PTPN14: variants seen among roughly 807,000 people sequenced by gnomAD.
The protein encoded by PTPN14 is protein tyrosine phosphatase non-receptor type 14, also known as tyrosine-protein phosphatase non-receptor type 14.
A neutral mutation model predicts 126.8 loss-of-function variants in PTPN14; 53 were observed. The ratio of observed to expected loss-of-function variants is 0.42; its 90% CI spans 0.34 to 0.53. The LOEUF is 0.53. Among genes scored for constraint, PTPN14 ranks in the 20% least tolerant of loss-of-function variants. The pLI is 0.08. For missense variants in PTPN14, 1,257 were observed against 1,552.9 expected (o/e 0.81, Z 3.20); for synonymous variants, 630 against 599.3 (o/e 1.05, Z -0.75).
chr1:214,494,589 G>A (rs183367594), intron 1 of PTPN14, among the ~76,000 whole-genome samples: 1 of 152,294 alleles, frequency 6.6e-6, no homozygotes, highest in East Asian at 1.9e-4. Context: ...TTGTTATTGT[G>A]TTGCCTTGTC....
chr1:214,383,520 T>C lies in PTPN14; in HGVS notation c.2335A>G (p.Arg779Gly), dbSNP rs770792704. Reference protein sequence around the residue: ...ASLPPAMARARVLRHGPAKAI... With the variant: ...ASLPPAMARAGVLRHGPAKAI... ...TTGGCTGGCCCATGCCTCAGCACCC[T>C]GGCTCTGGCCATGGCGGGAGGAAGG... The change falls in exon 13 of 19, where the codon AGG (arginine) becomes GGG (glycine). Residue 779 changes from arginine to glycine, a missense_variant. Transcript: ENST00000366956. The surrounding 1 kb of genome is among the most constrained non-coding windows in gnomAD (Gnocchi z 4.4). The C allele has an allele frequency of 6.2e-7, 1 of 1,614,090 alleles. No individual in the cohort carries two copies. Among genetic ancestry groups the C allele is most frequent in the Non-Finnish European group, 8.5e-7 (1 of 1,180,000 alleles).
Position 214,364,383 on chromosome 1 carries a change from G to A in PTPN14, c.3435+129C>T, listed in dbSNP as rs1304742611. The A allele has an allele frequency of 2.1e-5, 25 of 1,215,646 alleles. No homozygotes were observed. Among genetic ancestry groups the A allele is most frequent in the Middle Eastern group, 2.5e-4 (1 of 4,072 alleles). The allele number at this position is 1,215,646 out of a possible 1,614,324, so 75.3% of individuals were successfully genotyped here. A position where few individuals can be genotyped will look rare whatever the true frequency, so the allele number is the denominator to read the frequency against. On this transcript the variant is annotated intron_variant, in intron 18 of 18. Transcript: ENST00000366956. The surrounding 1 kb of genome is among the most constrained non-coding windows in gnomAD (Gnocchi z 4.1). ...GTCAGAGTCAAACTAGGAACCAGGA[G>A]CCTGGAAAACTCTGGTTGGGAGACA...
At chr1:214,417,100 G>A (rs1659443943) in intron 3 of PTPN14, among the ~76,000 whole-genome samples, 1 of 151,732 alleles carries the variant, frequency 6.6e-6, no homozygotes, top group African/African-American at 2.4e-5. Flanking sequence ...GAAAATCCAA[G>A]CTCACAAGGA....
intron 12 of PTPN14, among the ~76,000 whole-genome samples, chr1:214,385,800 CAG>C (rs141474078): frequency 0.013 from 1,969 of 152,274 alleles, 46 homozygotes; most frequent in African/African-American, 0.045. Context: ...GCACAAAAAA[CAG>C]GGGGAACACA....
At chr1:214,431,725 C>T (rs930279120) in intron 3 of PTPN14, among the ~76,000 whole-genome samples, 1 of 152,166 alleles carries the variant, frequency 6.6e-6, no homozygotes, top group African/African-American at 2.4e-5. Context: ...GGGCAAGTTA[C>T]TCAACCTCTC....
At chr1:214,494,149 C>G (rs1661310053) in intron 1 of PTPN14, among the ~76,000 whole-genome samples, 1 of 152,144 alleles carries the variant, frequency 6.6e-6, no homozygotes, top group South Asian at 2.1e-4. Context: ...CAGCTCACTG[C>G]AAGCTCCGCC....
intron 15 of PTPN14, among the ~76,000 whole-genome samples, chr1:214,375,816 T>C (rs1373994434): frequency 6.6e-6 from 1 of 152,294 alleles, no homozygotes; most frequent in African/African-American, 2.4e-5. Flanking sequence ...GGAAAAACAA[T>C]AGTTTCTATT....
At chr1:214,413,185 G>A (rs149181303) in intron 4 of PTPN14, among the ~76,000 whole-genome samples, 2 of 152,198 alleles carry the variant, frequency 1.3e-5, no homozygotes, top group African/African-American at 4.8e-5. Flanking sequence ...CCCAACGAAA[G>A]CTTTTTAAAA....
rs749722298 is a variant in PTPN14, at chr1:214,383,880, T to C, written c.1975A>G (p.Lys659Glu). The C allele has an allele frequency of 6.2e-7, 1 of 1,613,170 alleles. No individual in the cohort carries two copies. The highest frequency in any genetic ancestry group is 8.5e-7 in the Non-Finnish European group (1 of 1,180,002). Residue 659 changes from lysine (K) to glutamate (E), a missense_variant, in exon 13 of 19, where the codon AAG (lysine) becomes GAG (glutamate). By Grantham distance (56) the Lys-to-Glu change is moderately conservative. This residue lies in a region of PTPN14 where 1,021 missense variants were observed against 1,183.3 expected (regional missense o/e 0.86). Transcript: ENST00000366956. The surrounding 1 kb of genome is among the most constrained non-coding windows in gnomAD (Gnocchi z 4.4). ...MVRGMEAMTL[K>E]SLHLPMARRN... The stretch of plus-strand genomic sequence containing the variant: ...CGAGCCATGGGGAGGTGGAGCGACT[T>C]GAGCGTCATGGCCTCCATGCCCCGC...
chr1:214,394,456 G>A (rs61650888), intron 9 of PTPN14, among the ~76,000 whole-genome samples: 7,959 of 152,206 alleles, frequency 0.052, 403 homozygotes, highest in African/African-American at 0.13. Context: ...TGTCCAGGCC[G>A]GAGTGCAGTG....
At chr1:214,418,785 T>A (rs1327412475) in intron 3 of PTPN14, among the ~76,000 whole-genome samples, 1 of 152,232 alleles carries the variant, frequency 6.6e-6, no homozygotes, top group African/African-American at 2.4e-5. Context: ...AGATCTGTTT[T>A]TTCTCCTGGC....
At position 214,369,567 on chromosome 1, in the gene PTPN14, G is replaced by A. The variant is rs189546585; in HGVS notation, c.3161C>T (p.Thr1054Met). Residue 1054 changes from threonine to methionine, a missense_variant, in exon 17 of 19, where the codon ACG (threonine) becomes ATG (methionine). Thr to Met is a moderately conservative substitution (Grantham distance 81). Coordinates refer to ENST00000366956, the MANE Select transcript of PTPN14 (RefSeq NM_005401.5). The stretch of plus-strand genomic sequence containing the variant: ...CAAAAGGTGCTTGACCTTCAAGCCC[G>A]TGGTTGCATAGCAAACAGAATCCGT... ...FRTDSVCYAT[T>M]GLKVKHLLSG... The A allele has an allele frequency of 5.9e-5, 95 of 1,614,160 alleles. 1 individual carries two copies. The highest frequency in any genetic ancestry group is 6.7e-5 in the East Asian group (3 of 44,860).
At chr1:214,543,717 C>T (rs574310926) in intron 1 of PTPN14, among the ~76,000 whole-genome samples, 20 of 152,056 alleles carry the variant, frequency 1.3e-4, no homozygotes, top group Non-Finnish European at 2.5e-4. Context: ...CTGCAACCTC[C>T]GCCTCCTGGG....
intron 3 of PTPN14, among the ~76,000 whole-genome samples, chr1:214,431,574 G>A (rs1659797901): frequency 6.6e-6 from 1 of 152,154 alleles, no homozygotes; most frequent in Non-Finnish European, 1.5e-5. Flanking sequence ...TAAGGCTGGA[G>A]GTAAGAAGAC....
intron 18 of PTPN14, 116 bp from the exon 19 acceptor site, chr1:214,358,166 G>A (rs2102500872): frequency 4.7e-6 from 6 of 1,276,278 alleles, no homozygotes; most frequent in Middle Eastern, 2.8e-4. Context: ...TACAAGAGAA[G>A]GCAAGGGACT....
rs2102496868 is a variant in PTPN14 at position 214,355,381 on chromosome 1, C to G, written c.*2541G>C. 1 of 152,270 alleles carries G rather than the reference C, an allele frequency of 6.6e-6. No individual in the cohort carries two copies. The highest frequency in any genetic ancestry group is 1.9e-4 in the East Asian group (1 of 5,180). 9.4% of individuals were successfully genotyped at this position (152,270 alleles called of 1,614,324 possible). A position where few individuals can be genotyped will look rare whatever the true frequency, so the allele number is the denominator to read the frequency against. On this transcript the variant is annotated 3_prime_UTR_variant, in exon 19 of 19. Coordinates refer to ENST00000366956, the MANE Select transcript of PTPN14 (RefSeq NM_005401.5). ...TGATGTTGTTCATCACGCAATAAAC[C>G]AGTAACTGAGACCACTTGCTAAAAC...
intron 3 of PTPN14, among the ~76,000 whole-genome samples, chr1:214,450,766 CT>C (rs1324842119): frequency 1.3e-5 from 2 of 152,142 alleles, no homozygotes; most frequent in Non-Finnish European, 2.9e-5. Flanking sequence ...TAATGGAAAA[CT>C]CTTACCAATA....
At chr1:214,537,206 A>G (rs1024823170) in intron 1 of PTPN14, among the ~76,000 whole-genome samples, 1 of 152,212 alleles carries the variant, frequency 6.6e-6, no homozygotes, top group African/African-American at 2.4e-5. Context: ...TTTTTACTAT[A>G]TTCCCTAGTT....
chr1:214,502,041 G>A lies in PTPN14; in HGVS notation c.-154-37084C>T, dbSNP rs927581323. Among the ~76,000 whole-genome samples, 10 of 141,308 alleles carry A rather than the reference G, an allele frequency of 7.1e-5. No individual in the cohort carries two copies. In the East Asian group the frequency reaches 1.7e-3, roughly 24 times the overall value. 92.7% of individuals were successfully genotyped at this position (141,308 alleles called of 152,430 possible). ...GCCACTGCCCTCCAGCCTGGGCGAC[G>A]GTGCAAGGCTCTGTCTCAAAAAAAA... On this transcript the variant is annotated intron_variant, in intron 1 of 18. Transcript: ENST00000366956.
Sources: gnomAD v4.1 joint callset for allele counts (sites outside exome capture counted in the v4.1 genomes callset) on GRCh38, gnomAD v4.1.1 for gene constraint, gnomAD v4.1.1 regional missense constraint, Gnocchi (gnomAD v3.1) non-coding constraint, MANE v1.5 for transcripts, NCBI Gene and HGNC (gene_info 2026-07-23, HGNC 2026-07-21) for gene names.